Variants in RBFOX1 observed in about 807,000 individuals in gnomAD.
RBFOX1 encodes the protein RNA binding fox-1 homolog 1, also known as RNA binding protein fox-1 homolog 1.
In RBFOX1, 8 loss-of-function variants were observed where a neutral mutation model predicts 57.7. The ratio of observed to expected loss-of-function variants is 0.14; its 90% CI spans 0.08 to 0.25. The LOEUF (loss-of-function observed/expected upper bound fraction) is 0.25. Among genes scored for constraint, RBFOX1 ranks in the 10% least tolerant of loss-of-function variants. The probability of loss-of-function intolerance (pLI) is 1.00; values close to 1 mark genes in which losing one functional copy is unlikely to be tolerated. For missense variants in RBFOX1, 611 were observed against 548.5 expected (o/e 1.11, Z -1.14); for synonymous variants, 326 against 222.4 (o/e 1.47, Z -4.15).
chr16:7,567,775 CTATATA>C (rs556601713), intron 5 of RBFOX1, among the ~76,000 whole-genome samples: 13 of 147,256 alleles, frequency 8.8e-5, no homozygotes, highest in Non-Finnish European at 1.5e-5. Context: ...ATATCCCTCT[CTATATA>C]TATCCATATG....
At chr16:7,337,354 G>C (rs1024360074) in intron 4 of RBFOX1, among the ~76,000 whole-genome samples, 4 of 152,192 alleles carry the variant, frequency 2.6e-5, no homozygotes, top group Non-Finnish European at 5.9e-5. Context: ...TGGTATTTGA[G>C]TTGGGCTGTG....
chr16:7,076,226 G>C (rs1203065853), intron 4 of RBFOX1, among the ~76,000 whole-genome samples: 3 of 148,838 alleles, frequency 2.0e-5, no homozygotes, highest in Non-Finnish European at 4.5e-5. Context: ...TAGAGATGGG[G>C]TTTCACCATG....
chr16:7,345,657 C>T (rs2096984938), intron 4 of RBFOX1, among the ~76,000 whole-genome samples: 1 of 152,188 alleles, frequency 6.6e-6, no homozygotes, highest in East Asian at 1.9e-4. Flanking sequence ...GGGACCAGAG[C>T]TCCCACTTGC....
chr16:7,293,586 C>A (rs1009240171), intron 4 of RBFOX1, among the ~76,000 whole-genome samples: 1 of 152,070 alleles, frequency 6.6e-6, no homozygotes, highest in African/African-American at 2.4e-5. Context: ...AACCTGGACT[C>A]GCAGGCCAGA....
chr16:6,515,973 C>A (rs927256000), intron 2 of RBFOX1, among the ~76,000 whole-genome samples: 7 of 152,036 alleles, frequency 4.6e-5, no homozygotes, highest in Admixed American at 1.3e-4. Context: ...AATACCTGAA[C>A]CCTGTATTTA....
At chr16:6,799,141 C>G (rs922739525) in intron 3 of RBFOX1, among the ~76,000 whole-genome samples, 1 of 151,836 alleles carries the variant, frequency 6.6e-6, no homozygotes, top group African/African-American at 2.4e-5. Context: ...GGCTCAGCTT[C>G]GAAGAGTTCT....
chr16:7,706,372 T>C (rs1382671115), intron 14 of RBFOX1, among the ~76,000 whole-genome samples: 1 of 152,194 alleles, frequency 6.6e-6, no homozygotes, highest in East Asian at 1.9e-4. Context: ...TGTATTTTCC[T>C]TCTGCCTTGG....
chr16:6,302,183 A>G (rs2078898682), intron 1 of RBFOX1, among the ~76,000 whole-genome samples: 1 of 152,032 alleles, frequency 6.6e-6, no homozygotes, highest in Admixed American at 6.6e-5. Context: ...ATGAGGTGGC[A>G]TATTAGATAC....
intron 3 of RBFOX1, among the ~76,000 whole-genome samples, chr16:5,791,065 C>T (rs1023111352): frequency 1.3e-5 from 2 of 151,988 alleles, no homozygotes; most frequent in African/African-American, 4.8e-5. Flanking sequence ...GATGGAGTTT[C>T]ACCATGTTGA....
chr16:5,564,068 C>T (rs577193300), intron 2 of RBFOX1, among the ~76,000 whole-genome samples: 1 of 152,090 alleles, frequency 6.6e-6, no homozygotes, highest in Admixed American at 6.5e-5. Context: ...GGCTGGAGTG[C>T]AGTGGTGCGA....
intron 1 of RBFOX1, among the ~76,000 whole-genome samples, chr16:6,307,065 A>C (rs1200793728): frequency 6.6e-6 from 1 of 152,200 alleles, no homozygotes; most frequent in Non-Finnish European, 1.5e-5. Context: ...CAGCGTAAGG[A>C]CTTCAGAGTC....
intron 1 of RBFOX1, among the ~76,000 whole-genome samples, chr16:5,353,733 A>AG (rs1172127783): frequency 5.1e-5 from 2 of 38,984 alleles, no homozygotes; most frequent in Non-Finnish European, 1.3e-4. Context: ...GAGGAAAAAA[A>AG]AAAAAACCTC....
chr16:6,130,840 A>G (rs2096624476), intron 1 of RBFOX1, among the ~76,000 whole-genome samples: 1 of 152,162 alleles, frequency 6.6e-6, no homozygotes, highest in Non-Finnish European at 1.5e-5. Context: ...CTAAATATGT[A>G]TGCTGCTAAT....
intron 3 of RBFOX1, among the ~76,000 whole-genome samples, chr16:6,694,798 G>A (rs1165419849): frequency 1.3e-5 from 2 of 152,152 alleles, no homozygotes; most frequent in South Asian, 4.1e-4. Context: ...GCTTTTCCGT[G>A]CATCAGTCAC....
chr16:7,255,076 C>T (rs1029188151), intron 4 of RBFOX1, among the ~76,000 whole-genome samples: 3 of 152,086 alleles, frequency 2.0e-5, no homozygotes, highest in Non-Finnish European at 4.4e-5. Flanking sequence ...ATAATATTAA[C>T]GTTAGCTGTT....
intron 1 of RBFOX1, among the ~76,000 whole-genome samples, chr16:5,318,585 A>C (rs370710256): frequency 4.0e-4 from 38 of 95,962 alleles, no homozygotes; most frequent in African/African-American, 9.0e-4. Context: ...GACTTATACC[A>C]AAAAAACAAA....
chr16:5,646,068 T>C (rs1212575806), intron 3 of RBFOX1, among the ~76,000 whole-genome samples: 1 of 152,064 alleles, frequency 6.6e-6, no homozygotes, highest in Admixed American at 6.5e-5. Flanking sequence ...CTCGCTGTGT[T>C]GCCCAGGTTG....
At chr16:7,203,705 T>G (rs1319252411) in intron 4 of RBFOX1, among the ~76,000 whole-genome samples, 1 of 152,110 alleles carries the variant, frequency 6.6e-6, no homozygotes, top group African/African-American at 2.4e-5. Flanking sequence ...TAATACATGG[T>G]CTCTTCCATT....
intron 3 of RBFOX1, among the ~76,000 whole-genome samples, chr16:6,956,224 G>C (rs1175454116): frequency 1.3e-5 from 2 of 152,148 alleles, no homozygotes; most frequent in Non-Finnish European, 2.9e-5. Flanking sequence ...CGTGCAGAGA[G>C]GCAGAGGAGA....
Sources: gnomAD v4.1 joint callset for allele counts (sites outside exome capture counted in the v4.1 genomes callset) on GRCh38, gnomAD v4.1.1 for gene constraint, MANE v1.5 for transcripts, NCBI Gene and HGNC (gene_info 2026-07-23, HGNC 2026-07-21) for gene names.